Variants in ANKRD36C observed in about 807,000 individuals in gnomAD.
The protein encoded by ANKRD36C is ankyrin repeat domain-containing protein 36C.
ANKRD36C carries 61 observed loss-of-function variants against 276.4 expected under a neutral mutation model. The ratio of observed to expected loss-of-function variants is 0.22; its 90% CI spans 0.18 to 0.27. The LOEUF (loss-of-function observed/expected upper bound fraction) is 0.27, where lower values mean the gene tolerates loss of function less well. Ranked by LOEUF, ANKRD36C falls within the 10% of genes least tolerant of loss-of-function variation. ANKRD36C has a pLI of 1.00. For synonymous variants in ANKRD36C, 483 were observed against 680.1 expected (o/e 0.71, Z 4.51); for missense variants, 1,447 against 2,032.3 (o/e 0.71, Z 5.54).
chr2:95,969,059 G>A (rs920201175), intron 6 of ANKRD36C, among the ~76,000 whole-genome samples: 2 of 152,120 alleles, frequency 1.3e-5, no homozygotes, highest in Non-Finnish European at 2.9e-5. Flanking sequence ...CTACCTGGAT[G>A]CTCTCCAAAT....
intron 22 of ANKRD36C, among the ~76,000 whole-genome samples, chr2:95,937,915 C>G (rs1318350490): frequency 1.3e-5 from 2 of 152,292 alleles, no homozygotes; most frequent in African/African-American, 2.4e-5. Flanking sequence ...CATTTTGTAT[C>G]AGCATGAAGA....
At chr2:95,875,675 TATA>T (rs1309473091) in intron 59 of ANKRD36C, among the ~76,000 whole-genome samples, 3 of 152,088 alleles carry the variant, frequency 2.0e-5, no homozygotes, top group African/African-American at 7.2e-5. Flanking sequence ...AAACTTAAAG[TATA>T]ATAATAATAA....
rs1450142106 is a variant in ANKRD36C at position 95,910,528 on chromosome 2, G to C, written c.2653+1716C>G. The C allele has an allele frequency of 2.5e-6, 4 of 1,606,468 alleles. No homozygotes were observed. The highest frequency in any genetic ancestry group is 3.4e-6 in the Non-Finnish European group (4 of 1,176,718). ...ATTAACTCGTTCACAATATAAATGA[G>C]AGTTTCATTACCTTCAAGGCTGGTG... On this transcript the variant is annotated intron_variant, in intron 42 of 66. Coordinates refer to ENST00000456556, the Ensembl canonical transcript of ANKRD36C.
chr2:95,948,422 T>A, intron 17 of ANKRD36C, 108 bp downstream of exon 17: 1 of 1,172,264 alleles, frequency 8.5e-7, no homozygotes, highest in Non-Finnish European at 1.2e-6. Context: ...AAAGTTTTAA[T>A]ACTAACATAA....
At position 95,889,186 on chromosome 2, in the gene ANKRD36C, C is replaced by T. The variant is rs536706684; in HGVS notation, c.2959+613G>A. ...GTTTATCCCAATTCTAGCATAGTTT[C>T]CTGCTTCCAGTAGTTCCTGAAGCAC... On this transcript the variant is annotated intron_variant, in intron 48 of 66. Transcript: ENST00000456556. 1.3e-4 allele frequency among the ~76,000 whole-genome samples: 20 copies of T among 151,600 alleles called. No individual in the cohort carries two copies. In the South Asian group the frequency reaches 4.1e-3, roughly 31 times the overall value.
chr2:95,850,240 C>A, downstream of ANKRD36C, among the ~76,000 whole-genome samples: 1 of 152,288 alleles, frequency 6.6e-6, no homozygotes, highest in African/African-American at 2.4e-5. Context: ...TGCTAAGGTA[C>A]TAGGACAAGC....
At position 95,902,973 on chromosome 2, in the gene ANKRD36C, A is replaced by T; in HGVS notation, c.2654-3637T>A. 6.3e-7 allele frequency: 1 copy of T among 1,582,306 alleles called. No individual in the cohort carries two copies. Among genetic ancestry groups the T allele is most frequent in the South Asian group, 1.1e-5 (1 of 88,422 alleles). ...TCTCTTGTAGCCTGAATGGAATTTG[A>T]AATGCAATAATAAATTAATAAAGTA... On this transcript the variant is annotated intron_variant, in intron 42 of 66. Coordinates refer to ENST00000456556, the Ensembl canonical transcript of ANKRD36C.
At chr2:95,876,110 T>C (rs1675946973) in intron 59 of ANKRD36C, 1 of 317,162 alleles carries the variant, frequency 3.2e-6, no homozygotes, top group South Asian at 2.7e-5. Flanking sequence ...CACTGTTAAA[T>C]TGTTCATAAT....
intron 44 of ANKRD36C, among the ~76,000 whole-genome samples, chr2:95,896,627 G>C (rs1303214960): frequency 4.2e-5 from 6 of 144,546 alleles, no homozygotes; most frequent in African/African-American, 1.3e-4. Flanking sequence ...TAATGAGTCA[G>C]TGTGGTGGTG....
chr2:95,971,995 T>C (rs1302171610), intron 6 of ANKRD36C, among the ~76,000 whole-genome samples: 1 of 152,148 alleles, frequency 6.6e-6, no homozygotes, highest in Non-Finnish European at 1.5e-5. Context: ...ATAAGCACCA[T>C]GCTATGTTAT....
intron 42 of ANKRD36C, among the ~76,000 whole-genome samples, chr2:95,903,419 T>C (rs1322549855): frequency 6.6e-6 from 1 of 150,784 alleles, no homozygotes; most frequent in East Asian, 2.0e-4. Flanking sequence ...TGAGAATCAA[T>C]GTCAAAGCAG....
Position 95,972,540 on chromosome 2 carries a change from A to G in ANKRD36C, c.799+5582T>C, listed in dbSNP as rs537301931. The stretch of plus-strand genomic sequence containing the variant: ...TACTATGTATTCTTTCACTGTAACA[A>G]ATCAAAGCCCAGAGTAGCACTGTTT... On this transcript the variant is annotated intron_variant, in intron 6 of 66. Coordinates refer to ENST00000456556, the Ensembl canonical transcript of ANKRD36C. Among the ~76,000 whole-genome samples the G allele has an allele frequency of 2.0e-5, 3 of 152,338 alleles. No homozygotes were observed. The East Asian group carries it at 5.8e-4, about 29-fold the overall frequency.
At chr2:95,964,667 G>C (rs1678550242) in intron 6 of ANKRD36C, among the ~76,000 whole-genome samples, 1 of 152,016 alleles carries the variant, frequency 6.6e-6, no homozygotes, top group Non-Finnish European at 1.5e-5. Flanking sequence ...TTTCACAGCT[G>C]TTCTTCACTC....
At chr2:95,983,375 T>C (rs1225647827) in intron 3 of ANKRD36C, among the ~76,000 whole-genome samples, 1 of 151,496 alleles carries the variant, frequency 6.6e-6, no homozygotes, top group Non-Finnish European at 1.5e-5. Context: ...GATGCAAATA[T>C]TTATGTAATT....
At chr2:95,976,734 T>C (rs1678817123) in intron 6 of ANKRD36C, among the ~76,000 whole-genome samples, 1 of 152,070 alleles carries the variant, frequency 6.6e-6, no homozygotes, top group Admixed American at 6.6e-5. Context: ...ATAGCCCACA[T>C]TACACCTCAA....
intron 24 of ANKRD36C, among the ~76,000 whole-genome samples, chr2:95,932,863 C>T (rs368613389): frequency 0.051 from 5,458 of 107,182 alleles, no homozygotes; most frequent in African/African-American, 0.093. Context: ...TGCCAATGTC[C>T]TGAATGGTAT....
intron 42 of ANKRD36C, among the ~76,000 whole-genome samples, chr2:95,901,919 T>C (rs994303623): frequency 6.7e-6 from 1 of 149,202 alleles, no homozygotes; most frequent in Non-Finnish European, 1.5e-5. Context: ...TTATCAACTT[T>C]GACATACTTC....
chr2:95,883,683 T>G (rs949924371), intron 54 of ANKRD36C, among the ~76,000 whole-genome samples: 3 of 152,028 alleles, frequency 2.0e-5, no homozygotes, highest in African/African-American at 7.2e-5. Flanking sequence ...CTAAATAACT[T>G]CTTATTTTCC....
chr2:95,885,598 G>T lies in ANKRD36C; in HGVS notation c.3163+450C>A, dbSNP rs533924406. On this transcript the variant is annotated intron_variant, in intron 52 of 66. Transcript: ENST00000456556. ...TCCTGCCTCACAATCCCTCTTCCTT[G>T]TGGAAAATAATTGCTACTTCAGTGA... Among the ~76,000 whole-genome samples, 14 of 151,932 alleles carry T rather than the reference G, an allele frequency of 9.2e-5. No individual in the cohort carries two copies. The East Asian group carries it at 2.7e-3, about 29-fold the overall frequency.
Sources: allele counts gnomAD v4.1 joint callset (sites outside exome capture counted in the v4.1 genomes callset), GRCh38; gene constraint gnomAD v4.1.1; transcripts MANE v1.5; gene names NCBI Gene and HGNC (gene_info 2026-07-23, HGNC 2026-07-21).